Variants in PCDH7 observed in about 807,000 individuals in gnomAD.
The protein encoded by PCDH7 is protocadherin-7.
In PCDH7, 17 loss-of-function variants were observed where a neutral mutation model predicts 58.9. The observed-to-expected ratio is 0.29, with a 90% CI of 0.20 to 0.43. The LOEUF (loss-of-function observed/expected upper bound fraction) is 0.43, where lower values mean the gene tolerates loss of function less well. Among genes scored for constraint, PCDH7 ranks in the 20% least tolerant of loss-of-function variants. The pLI, the probability that PCDH7 is intolerant of heterozygous loss-of-function variation, is 1.00. For synonymous variants in PCDH7, 664 were observed against 616.4 expected, an observed-to-expected ratio of 1.08 and a Z score of -1.14; for missense variants, 1,274 against 1,441.0, an observed-to-expected ratio of 0.88 and a Z score of 1.88.
intron 3 of PCDH7, among the ~76,000 whole-genome samples, chr4:31,135,028 A>C (rs1719427760): frequency 6.6e-6 from 1 of 152,124 alleles, no homozygotes; most frequent in South Asian, 2.1e-4. Flanking sequence ...AGACTGGAAG[A>C]ATTTCATGTC....
chr4:30,808,552 C>T (rs1013339529), intron 1 of PCDH7, among the ~76,000 whole-genome samples: 4 of 152,128 alleles, frequency 2.6e-5, no homozygotes, highest in African/African-American at 9.7e-5. Flanking sequence ...TAAATTCAGC[C>T]TTCAGCTCAA....
At chr4:31,002,000 C>T (rs746610960) in intron 3 of PCDH7, among the ~76,000 whole-genome samples, 1 of 152,060 alleles carries the variant, frequency 6.6e-6, no homozygotes, top group Non-Finnish European at 1.5e-5. Context: ...GGATCAAATA[C>T]GCTGAGCCAA....
chr4:30,935,288 G>A (rs1053961137), intron 2 of PCDH7: 8 of 917,744 alleles, frequency 8.7e-6, no homozygotes, highest in Non-Finnish European at 1.0e-5. Flanking sequence ...TTTATTAAAT[G>A]CATGATTATT....
chr4:30,756,461 T>TA (rs1560336821), intron 1 of PCDH7, among the ~76,000 whole-genome samples: 1 of 152,166 alleles, frequency 6.6e-6, no homozygotes, highest in Non-Finnish European at 1.5e-5. Context: ...GTCATATACT[T>TA]AGTAAACGGT....
chr4:30,903,510 C>G (rs541760031), intron 1 of PCDH7, among the ~76,000 whole-genome samples: 6 of 152,120 alleles, frequency 3.9e-5, no homozygotes, highest in Admixed American at 2.0e-4. Context: ...CCTGTGGACA[C>G]AATTCTGGGC....
At chr4:30,890,038 C>T (rs180761810) in intron 1 of PCDH7, among the ~76,000 whole-genome samples, 71 of 152,226 alleles carry the variant, frequency 4.7e-4, no homozygotes, top group Non-Finnish European at 8.7e-4. Flanking sequence ...ATGGTCAGTT[C>T]GGCTTAGGTG....
At chr4:30,827,695 A>G (rs1729271973) in intron 1 of PCDH7, among the ~76,000 whole-genome samples, 1 of 152,188 alleles carries the variant, frequency 6.6e-6, no homozygotes, top group Non-Finnish European at 1.5e-5. Context: ...TGCAGTACAT[A>G]TCTGCTGAGT....
At position 30,723,466 on chromosome 4, in the gene PCDH7, A is replaced by T; in HGVS notation, c.2044A>T (p.Asn682Tyr). ...GATGAGCCTGTACATAGAGGAGAACAATAACATTTTTTCTATTGAAAATGA... is the reference window on the plus strand; with the variant it reads ...GATGAGCCTGTACATAGAGGAGAACTATAACATTTTTTCTATTGAAAATGA... The change falls in exon 1 of 2, where the codon AAT becomes TAT. Residue 682 changes from asparagine (N) to tyrosine (Y), a missense_variant. By Grantham distance (143) the Asn-to-Tyr change is moderately radical. Transcript: ENST00000361762. The surrounding 1 kb of genome is among the most constrained non-coding windows in gnomAD (Gnocchi z 4.6). 6.2e-7 allele frequency: 1 copy of T among 1,614,124 alleles called. No homozygotes were observed. The highest frequency in any genetic ancestry group is 8.5e-7 in the Non-Finnish European group (1 of 1,180,026).
At chr4:31,117,453 ATTAGAATTCAGAGACATAGTTAATATT>A (rs369110954) in intron 3 of PCDH7, among the ~76,000 whole-genome samples, 5,783 of 152,192 alleles carry the variant, frequency 0.038, 182 homozygotes, top group African/African-American at 0.084. Flanking sequence ...AATAAGAAAT[ATTAGAATTCAGAGACATAGTTAATATT>A]TTAGAATTCA....
intron 1 of PCDH7, among the ~76,000 whole-genome samples, chr4:30,801,846 A>C (rs980662844): frequency 3.9e-5 from 6 of 152,206 alleles, no homozygotes; most frequent in Non-Finnish European, 8.8e-5. Context: ...GGAATGACTT[A>C]AATCCAATTA....
At position 30,754,161 on chromosome 4, in the gene PCDH7, G is replaced by GGTGTGTGTGTGT. The variant is rs137965585; in HGVS notation, c.70+29582_70+29593dup. On this transcript the variant is annotated intron_variant, in intron 1 of 3. Transcript: ENST00000509759. ...CTGTCAAGATTTGCTGCAAACACTA[G>GGTGTGTGTGTGT]GTGTGTGTGTGTGTGTGTGTGTGTG... Among the ~76,000 whole-genome samples, 457 of 138,656 alleles carry GGTGTGTGTGTGT rather than the reference G, an allele frequency of 3.3e-3. 3 individuals carry two copies. Among genetic ancestry groups the GGTGTGTGTGTGT allele is most frequent in the African/African-American group, 0.013 (420 of 32,504 alleles). 91.0% of individuals were successfully genotyped at this position (138,656 alleles called of 152,430 possible). A position where few individuals can be genotyped will look rare whatever the true frequency, so the allele number is the denominator to read the frequency against.
At position 30,962,794 on chromosome 4, in the gene PCDH7, A is replaced by AC. The variant is rs1341092444; in HGVS notation, c.*7+12579_*7+12580insC. ...CCAGTCTTAAAAAAAAAAAAAAAAA[A>AC]AAAAAAAAAAACAGTGGTAATTCTA... is the stretch of plus-strand genomic sequence containing the variant. On this transcript the variant is annotated intron_variant, in intron 3 of 3. Coordinates refer to the PCDH7 transcript ENST00000509759. 9.3e-4 allele frequency among the ~76,000 whole-genome samples: 135 copies of AC among 145,250 alleles called. 1 individual carries two copies. Among genetic ancestry groups the AC allele is most frequent in the African/African-American group, 3.1e-3 (116 of 38,022 alleles).
At chr4:31,057,614 AATCAAGCTTAGGTAT>A (rs1225677833) in intron 3 of PCDH7, among the ~76,000 whole-genome samples, 1 of 152,184 alleles carries the variant, frequency 6.6e-6, no homozygotes, top group Non-Finnish European at 1.5e-5. Context: ...TGAACAAGAA[AATCAAGCTTAGGTAT>A]ATCCCTTTAG....
intron 3 of PCDH7, among the ~76,000 whole-genome samples, chr4:30,990,291 A>T (rs1751362196): frequency 6.6e-6 from 1 of 152,044 alleles, no homozygotes; most frequent in African/African-American, 2.4e-5. Flanking sequence ...ATATGTATGT[A>T]CACAGACTAT....
intron 3 of PCDH7, among the ~76,000 whole-genome samples, chr4:31,071,276 T>C (rs1250275361): frequency 2.6e-5 from 4 of 152,060 alleles, no homozygotes; most frequent in African/African-American, 9.7e-5. Context: ...AAACCCATAG[T>C]CTCTGTACAG....
chr4:31,004,280 C>G (rs1483482569), intron 3 of PCDH7, among the ~76,000 whole-genome samples: 1 of 152,118 alleles, frequency 6.6e-6, no homozygotes, highest in African/African-American at 2.4e-5. Flanking sequence ...CGAAACCGAG[C>G]CCCGGCCTGA....
chr4:30,738,439 A>T (rs1300098683), intron 1 of PCDH7, among the ~76,000 whole-genome samples: 1 of 152,068 alleles, frequency 6.6e-6, no homozygotes, highest in South Asian at 2.1e-4. Flanking sequence ...TGTGAAAAAT[A>T]TATGAATCTA....
chr4:31,101,885 A>G (rs2109301163), intron 3 of PCDH7, among the ~76,000 whole-genome samples: 2 of 152,358 alleles, frequency 1.3e-5, no homozygotes, highest in South Asian at 4.1e-4. Context: ...GGATGAACCA[A>G]GCATAATTCC....
chr4:30,854,157 TAAA>T (rs553756139), intron 1 of PCDH7, among the ~76,000 whole-genome samples: 80 of 151,476 alleles, frequency 5.3e-4, no homozygotes, highest in Non-Finnish European at 9.9e-4. Context: ...AGTCTTCTAT[TAAA>T]AAAATCACAG....
Sources: gnomAD v4.1 joint callset for allele counts (sites outside exome capture counted in the v4.1 genomes callset) on GRCh38, gnomAD v4.1.1 for gene constraint, Gnocchi (gnomAD v3.1) non-coding constraint, MANE v1.5 for transcripts, NCBI Gene and HGNC (gene_info 2026-07-23, HGNC 2026-07-21) for gene names.